Variants in LIMCH1 observed in about 807,000 individuals in gnomAD.
LIMCH1 encodes the protein LIM and calponin homology domains 1.
In LIMCH1, 113 loss-of-function variants were observed where a neutral mutation model predicts 176.5. The ratio of observed to expected loss-of-function variants is 0.64; its 90% CI spans 0.55 to 0.75. The LOEUF (loss-of-function observed/expected upper bound fraction) is 0.75. Among genes scored for constraint, LIMCH1 ranks in the 30% least tolerant of loss-of-function variants. The pLI is 0.00. For missense variants in LIMCH1, 1,674 were observed against 1,814.9 expected (o/e 0.92, Z 1.41); for synonymous variants, 619 against 645.9 (o/e 0.96, Z 0.63).
Position 41,650,423 on chromosome 4 carries a change from A to G in LIMCH1, c.2851A>G (p.Thr951Ala). ...VDGKVSVNGE[T>A]VHREEEKERE... ...CGGGAAAGTCAGTGTGAATGGAGAGACGGTTCATAGAGAGGAGGAGAAGGA... is the reference window on the plus strand; with the variant it reads ...CGGGAAAGTCAGTGTGAATGGAGAGGCGGTTCATAGAGAGGAGGAGAAGGA... Residue 951 changes from threonine to alanine, a missense_variant, in exon 18 of 32, where the codon ACG becomes GCG. By Grantham distance (58) the Thr-to-Ala change is moderately conservative. Around this residue, in one of 3 missense-constraint regions of LIMCH1, gnomAD observed 1,015 missense variants for 1,102.5 expected, o/e 0.92. Transcript: ENST00000503057. 1 of 1,614,036 alleles carries G rather than the reference A, an allele frequency of 6.2e-7. No homozygotes were observed. Among genetic ancestry groups the G allele is most frequent in the Non-Finnish European group, 8.5e-7 (1 of 1,179,990 alleles).
At chr4:41,443,359 A>G (rs1204214133) in intron 1 of LIMCH1, among the ~76,000 whole-genome samples, 1 of 152,176 alleles carries the variant, frequency 6.6e-6, no homozygotes, top group Non-Finnish European at 1.5e-5. Flanking sequence ...TGAGATTCCA[A>G]ATTGCTTTTC....
intron 23 of LIMCH1, among the ~76,000 whole-genome samples, chr4:41,679,703 G>A (rs897481478): frequency 2.0e-5 from 3 of 152,160 alleles, no homozygotes; most frequent in Non-Finnish European, 4.4e-5. Context: ...TATTGGTTTA[G>A]CACACCTGGA....
At chr4:41,527,598 G>T (rs1345156241) in intron 3 of LIMCH1, among the ~76,000 whole-genome samples, 1 of 152,144 alleles carries the variant, frequency 6.6e-6, no homozygotes, top group African/African-American at 2.4e-5. Context: ...CACTTTGGGA[G>T]GCCGAGGCGG....
At chr4:41,663,134 CGTGTGT>C (rs60475434) in intron 20 of LIMCH1, 150 bp downstream of exon 20, 81,448 of 405,316 alleles carry the variant, frequency 0.2, 5,633 homozygotes, top group African/African-American at 0.28. Context: ...TTTTCTTTTT[CGTGTGT>C]GTGTGTGTGT....
At chr4:41,422,956 G>T (rs1361951610) in intron 1 of LIMCH1, among the ~76,000 whole-genome samples, 1 of 151,924 alleles carries the variant, frequency 6.6e-6, no homozygotes, top group Non-Finnish European at 1.5e-5. Context: ...ATGGGGTTTC[G>T]CTATGTTGCT....
intron 1 of LIMCH1, among the ~76,000 whole-genome samples, chr4:41,464,790 C>T (rs763033181): frequency 1.3e-5 from 2 of 152,190 alleles, no homozygotes; most frequent in Admixed American, 6.5e-5. Context: ...GATTATTTAA[C>T]GACTGTCTTC....
chr4:41,367,229 G>A (rs2053151769), intron 1 of LIMCH1, among the ~76,000 whole-genome samples: 1 of 152,084 alleles, frequency 6.6e-6, no homozygotes, highest in African/African-American at 2.4e-5. Flanking sequence ...TGTATCTCAG[G>A]GAATTACCTT....
intron 2 of LIMCH1, among the ~76,000 whole-genome samples, chr4:41,507,771 A>G (rs2074363049): frequency 6.6e-6 from 1 of 151,210 alleles, no homozygotes; most frequent in African/African-American, 2.4e-5. Context: ...TCCTTTATCC[A>G]ACTGACCTTT....
At chr4:41,604,054 TA>T in intron 3 of LIMCH1, 149 bp downstream of exon 3, 1 of 890,818 alleles carries the variant, frequency 1.1e-6, no homozygotes, top group Non-Finnish European at 1.6e-6. Flanking sequence ...ATGATAGAAA[TA>T]AAAATAGTAA....
intron 1 of LIMCH1, among the ~76,000 whole-genome samples, chr4:41,459,584 G>A (rs2065044152): frequency 1.3e-5 from 2 of 152,168 alleles, no homozygotes; most frequent in Non-Finnish European, 2.9e-5. Context: ...TTATAGGTGT[G>A]AGCCACTGTG....
At chr4:41,688,017 G>A in intron 29 of LIMCH1, 100 bp downstream of exon 29, 6 of 911,098 alleles carry the variant, frequency 6.6e-6, no homozygotes, top group African/African-American at 1.6e-5. Context: ...TGATTTTGAG[G>A]GATGTGTCCA....
In LIMCH1 at chr4:41,626,909, A is replaced by C. The variant is rs2092992228; in HGVS notation, c.927A>C (p.Gln309His). 1 of 1,536,026 alleles carries C rather than the reference A, an allele frequency of 6.5e-7. No homozygotes were observed. Among genetic ancestry groups the C allele is most frequent in the African/African-American group, 1.4e-5 (1 of 73,082 alleles). ...NQTKPMVPLNQLLYGPYPKKG... is the reference protein window; with the variant it reads ...NQTKPMVPLNHLLYGPYPKKG... Reference sequence around the variant, plus strand: ...CCAAGCCAATGGTGCCATTAAATCAACTCCTCTATGGCCCTTATCCAAAGA... The same window carrying C: ...CCAAGCCAATGGTGCCATTAAATCACCTCCTCTATGGCCCTTATCCAAAGA... Residue 309 changes from glutamine (Q) to histidine (H), a missense_variant, in exon 8 of 32, where the codon CAA becomes CAC. Gln to His is a conservative substitution (Grantham distance 24). Transcript: ENST00000503057.
At chr4:41,539,682 T>C (rs2078377974) in intron 1 of LIMCH1, among the ~76,000 whole-genome samples, 1 of 152,232 alleles carries the variant, frequency 6.6e-6, no homozygotes, top group African/African-American at 2.4e-5. Context: ...TGATACATAG[T>C]CCTAGCTGGT....
chr4:41,444,506 G>A (rs942323833), intron 1 of LIMCH1, among the ~76,000 whole-genome samples: 3 of 152,158 alleles, frequency 2.0e-5, no homozygotes, highest in South Asian at 2.1e-4. Context: ...TTTGGTTGGC[G>A]TCAGGCCGTG....
At chr4:41,517,560 A>G (rs2075709172) in intron 2 of LIMCH1, among the ~76,000 whole-genome samples, 1 of 152,180 alleles carries the variant, frequency 6.6e-6, no homozygotes, top group African/African-American at 2.4e-5. Context: ...TGAACCGTGC[A>G]TAGCATCCCA....
chr4:41,420,300 A>T (rs556541298), intron 1 of LIMCH1, among the ~76,000 whole-genome samples: 1 of 152,320 alleles, frequency 6.6e-6, no homozygotes, highest in South Asian at 2.1e-4. Context: ...ATAGCCTTGA[A>T]TTATAATAGT....
intron 31 of LIMCH1, chr4:41,692,868 G>A (rs1727286300): frequency 6.5e-6 from 1 of 153,102 alleles, no homozygotes; most frequent in Non-Finnish European, 1.5e-5. Context: ...AGTTCCTTGA[G>A]AGACAACAAT....
chr4:41,684,409 G>A lies in LIMCH1; in HGVS notation c.3858G>A (p.Gly1286=). Reference sequence around the variant, plus strand: ...TTTATTTTAACAGCCTAACTGAAGGGGCCTTGGCTCATTCTGGGAACCCTG... The same window carrying A: ...TTTATTTTAACAGCCTAACTGAAGGAGCCTTGGCTCATTCTGGGAACCCTG... The part of the protein sequence containing the change: ...RLEEKGSLTE[G]ALAHSGNPVS... The change falls in exon 27 of 32, where the codon GGG becomes GGA. Residue 1286 remains glycine, a synonymous_variant. Coordinates refer to ENST00000503057, the MANE Select transcript of LIMCH1 (RefSeq NM_001330672.2). 1 of 1,613,446 alleles carries A rather than the reference G, an allele frequency of 6.2e-7. No homozygotes were observed. The highest frequency in any genetic ancestry group is 8.5e-7 in the Non-Finnish European group (1 of 1,179,726).
At chr4:41,366,354 A>G (rs1291252618) in intron 1 of LIMCH1, among the ~76,000 whole-genome samples, 1 of 152,208 alleles carries the variant, frequency 6.6e-6, no homozygotes. Context: ...ATTTTTGACC[A>G]AACTGTTCTT....
Sources: allele counts gnomAD v4.1 joint callset (sites outside exome capture counted in the v4.1 genomes callset), GRCh38; gene constraint gnomAD v4.1.1; regional missense constraint gnomAD v4.1.1; transcripts MANE v1.5; gene names NCBI Gene and HGNC (gene_info 2026-07-23, HGNC 2026-07-21).